Variants in RINL observed in about 807,000 individuals in gnomAD.
RINL encodes the protein Ras and Rab interactor like.
A neutral mutation model predicts 58.1 loss-of-function variants in RINL; 39 were observed. That is an observed-to-expected ratio of 0.67 (90% CI 0.52 to 0.88). RINL has a LOEUF of 0.88. RINL is among the 40% of genes least tolerant of loss of function. The pLI, the probability that RINL is intolerant of heterozygous loss-of-function variation, is 0.00. For missense variants in RINL, 711 were observed against 749.2 expected (o/e 0.95, Z 0.60); for synonymous variants, 286 against 323.1 (o/e 0.89, Z 1.23).
In RINL at chr19:38,875,834, C is replaced by A. The variant is rs375235370; in HGVS notation, c.210+497G>T. On this transcript the variant is annotated intron_variant, in intron 3 of 11. Transcript: ENST00000591812. ...GAAGTCCAAGAGAATTATAGCTATG[C>A]TGGCCTCAATGTCACTGCACTGCTG... Among the ~76,000 whole-genome samples the A allele has an allele frequency of 2.6e-5, 4 of 152,340 alleles. No homozygotes were observed. The South Asian group carries it at 8.3e-4, about 32-fold the overall frequency.
At chr19:38,874,026 T>C (rs1972868096) in intron 3 of RINL, 38 bp from the exon 4 acceptor site, 1 of 1,261,332 alleles carries the variant, frequency 7.9e-7, no homozygotes, top group East Asian at 2.5e-5. Context: ...GACAAAGGTG[T>C]GCGCAGATGT....
Position 38,871,101 on chromosome 19 carries a change from T to C in RINL, c.578A>G (p.Glu193Gly). Reference sequence around the variant, plus strand: ...ACCTGGATCATGTCTCTGAGCAGCCTCTGGCTCTGTTTCTTGAGGGGTCTG... The same window carrying C: ...ACCTGGATCATGTCTCTGAGCAGCCCCTGGCTCTGTTTCTTGAGGGGTCTG... Reference protein sequence around the residue: ...REQTPQETEPEAAQRHDPAPR... With the variant: ...REQTPQETEPGAAQRHDPAPR... Residue 193 changes from glutamate (E) to glycine (G), a missense_variant, in exon 7 of 12, where the codon GAG becomes GGG. Coordinates refer to ENST00000591812, the MANE Select transcript of RINL (RefSeq NM_001195833.2). The C allele has an allele frequency of 6.2e-7, 1 of 1,608,428 alleles. No homozygotes were observed. Among genetic ancestry groups the C allele is most frequent in the Non-Finnish European group, 8.5e-7 (1 of 1,177,346 alleles).
At chr19:38,874,857 G>C (rs888131560) in intron 3 of RINL, among the ~76,000 whole-genome samples, 1 of 152,138 alleles carries the variant, frequency 6.6e-6, no homozygotes, top group African/African-American at 2.4e-5. Flanking sequence ...TGCTACAGCC[G>C]GGCACGGTGG....
chr19:38,878,228 C>T lies in RINL; in HGVS notation c.-40+4G>A, dbSNP rs1266475479. On this transcript the variant is annotated splice_donor_region_variant and intron_variant, in intron 1 of 11. Coordinates refer to ENST00000591812, the MANE Select transcript of RINL (RefSeq NM_001195833.2). Reference sequence around the variant, plus strand: ...GCCAGATGCTCGGTTCCTGGGGGCCCTACCTGTTCTCGGAGGAGAGGCCTG... The same window carrying T: ...GCCAGATGCTCGGTTCCTGGGGGCCTTACCTGTTCTCGGAGGAGAGGCCTG... 3 of 152,350 alleles carry T rather than the reference C, an allele frequency of 2.0e-5. No individual in the cohort carries two copies. The highest frequency in any genetic ancestry group is 7.2e-5 in the African/African-American group (3 of 41,402). The allele number at this position is 152,350 out of a possible 1,614,324, so 9.4% of individuals were successfully genotyped here.
chr19:38,871,681 G>A lies in RINL; in HGVS notation c.417C>T (p.Pro139=), dbSNP rs1972818258. ...CATCTCTGGGCCCTAGAGTGGGAGG[G>A]GGCAAGAGCAGGGTTCTGGGCAGAA... is the stretch of plus-strand genomic sequence containing the variant. The part of the protein sequence containing the change: ...RDVLPRTLLL[P]PPTLGPRDEH... The change falls in exon 6 of 12, where the codon CCC becomes CCT. Residue 139 remains proline (P), a synonymous_variant. Transcript: ENST00000591812. 3 of 1,614,108 alleles carry A rather than the reference G, an allele frequency of 1.9e-6. No individual in the cohort carries two copies.
Position 38,871,878 on chromosome 19 carries a change from G to T in RINL, c.314-8C>A, listed in dbSNP as rs756030783. The stretch of plus-strand genomic sequence containing the variant: ...AGGATTCCAGGGACACACCTGTGGT[G>T]GGGGGAGGAAGAAGGAGAAAGTAAA... On this transcript the variant is annotated splice_polypyrimidine_tract_variant and splice_region_variant and intron_variant, in intron 4 of 11. Transcript: ENST00000591812. 9 of 1,610,236 alleles carry T rather than the reference G, an allele frequency of 5.6e-6. No homozygotes were observed. Among genetic ancestry groups the T allele is most frequent in the South Asian group, 1.1e-5 (1 of 90,968 alleles).
chr19:38,874,905 C>T (rs897709258), intron 3 of RINL, among the ~76,000 whole-genome samples: 12 of 151,984 alleles, frequency 7.9e-5, no homozygotes, highest in East Asian at 2.0e-4. Flanking sequence ...GAGGCCGAGG[C>T]GGGTGGATCA....
intron 1 of RINL, among the ~76,000 whole-genome samples, chr19:38,877,802 C>T (rs1237251256): frequency 6.6e-6 from 1 of 151,982 alleles, no homozygotes; most frequent in South Asian, 2.1e-4. Context: ...CTCCCTCCCT[C>T]CCTTCCTTCC....
chr19:38,876,851 A>G lies in RINL; in HGVS notation c.-39-70T>C, dbSNP rs1448301772. On this transcript the variant is annotated intron_variant, in intron 1 of 11. Coordinates refer to ENST00000591812, the MANE Select transcript of RINL (RefSeq NM_001195833.2). ...GTCATGTTCAAGATATTTACAATCA[A>G]TATGGCAGAGACCCTGACCAATCAG... is the stretch of plus-strand genomic sequence containing the variant. 3.7e-5 allele frequency: 32 copies of G among 870,342 alleles called. No homozygotes were observed. The East Asian group carries it at 8.5e-4, about 23-fold the overall frequency. The allele number at this position is 870,342 out of a possible 1,614,324, so 53.9% of individuals were successfully genotyped here.
Position 38,876,471 on chromosome 19 carries a change from T to C in RINL, c.70A>G (p.Asn24Asp), listed in dbSNP as rs1001413. The C allele has an allele frequency of 0.39, 605,432 of 1,535,142 alleles. 122,120 individuals are homozygous for C. Among genetic ancestry groups the C allele is most frequent in the East Asian group, 0.62 (25,258 of 40,888 alleles). Residue 24 changes from asparagine to aspartate, a missense_variant, in exon 3 of 12, where the codon AAC becomes GAC. Coordinates refer to ENST00000591812, the MANE Select transcript of RINL (RefSeq NM_001195833.2). ...EGVRLVPPQVNKADRTPLGVL... is the reference protein window; with the variant it reads ...EGVRLVPPQVDKADRTPLGVL... Reference sequence around the variant, plus strand: ...CCTAGAGGGGTCCTGTCTGCTTTGTTCACCTGTGGTGGGACCAGCCTGGGA... The same window carrying C: ...CCTAGAGGGGTCCTGTCTGCTTTGTCCACCTGTGGTGGGACCAGCCTGGGA...
At chr19:38,877,802 C>CCCTT (rs550510337) in intron 1 of RINL, among the ~76,000 whole-genome samples, 28 of 151,982 alleles carry the variant, frequency 1.8e-4, no homozygotes, top group African/African-American at 3.4e-4. Context: ...CTCCCTCCCT[C>CCCTT]CCTTCCTTCC....
rs1163870956 is a variant in RINL at position 38,868,734 on chromosome 19, A to AG, written c.*369dup. ...GGTTTAGGAGCAGCAAGGAGGAGGG[A>AG]GGGGTCCCAGGAAAAGGGAACAGCC... On this transcript the variant is annotated 3_prime_UTR_variant, in exon 12 of 12. Transcript: ENST00000591812. 1.7e-5 allele frequency: 3 copies of AG among 181,220 alleles called. No homozygotes were observed. The highest frequency in any genetic ancestry group is 5.5e-5 in the Admixed American group (1 of 18,102). 11.2% of individuals were successfully genotyped at this position (181,220 alleles called of 1,614,324 possible).
rs376088775 is a variant in RINL at position 38,871,114 on chromosome 19, C to G, written c.565G>C (p.Glu189Gln). Residue 189 changes from glutamate to glutamine, a missense_variant, in exon 7 of 12, where the codon GAA (glutamate) becomes CAA (glutamine). By Grantham distance (29) the Glu-to-Gln change is conservative. Coordinates refer to ENST00000591812, the MANE Select transcript of RINL (RefSeq NM_001195833.2). ...CTCTGAGCAGCCTCTGGCTCTGTTTCTTGAGGGGTCTGCTCCCTCCCCCAG... is the reference window on the plus strand; with the variant it reads ...CTCTGAGCAGCCTCTGGCTCTGTTTGTTGAGGGGTCTGCTCCCTCCCCCAG... The part of the protein sequence containing the change: ...RGWGREQTPQ[E>Q]TEPEAAQRHD... 6.2e-6 allele frequency: 10 copies of G among 1,611,164 alleles called. No individual in the cohort carries two copies. The highest frequency in any genetic ancestry group is 1.3e-5 in the African/African-American group (1 of 74,854).
At chr19:38,877,142 T>C (rs1480032084) in intron 1 of RINL, among the ~76,000 whole-genome samples, 2 of 152,190 alleles carry the variant, frequency 1.3e-5, no homozygotes, top group African/African-American at 4.8e-5. Context: ...CTCAAACTCC[T>C]GACCTCAAGT....
In RINL at chr19:38,869,698, A is replaced by G. The variant is rs750820451; in HGVS notation, c.1349T>C (p.Leu450Pro). 6.2e-7 allele frequency: 1 copy of G among 1,613,650 alleles called. No homozygotes were observed. Among genetic ancestry groups the G allele is most frequent in the East Asian group, 2.2e-5 (1 of 44,848 alleles). ...GLARGENQDPLGADAFLPALT... is the reference protein window; with the variant it reads ...GLARGENQDPPGADAFLPALT... ...CGCCGGCAGGAAGGCGTCGGCCCCC[A>G]GGGGATCTGGGAAAACCAGAGGAAA... The change falls in exon 10 of 12, where the codon CTG (leucine) becomes CCG (proline). Residue 450 changes from leucine (L) to proline (P), a missense_variant. By Grantham distance (98) the Leu-to-Pro change is moderately conservative. Coordinates refer to ENST00000591812, the MANE Select transcript of RINL (RefSeq NM_001195833.2). This position sits in a 1 kb window ranked among gnomAD's most constrained non-coding sequence, Gnocchi z 5.7.
Position 38,873,876 on chromosome 19 carries a change from G to A in RINL, c.313+10C>T. On this transcript the variant is annotated intron_variant, in intron 4 of 11. Transcript: ENST00000591812. Reference sequence around the variant, plus strand: ...GACTGTGGGCTGGAACCTCAGGGGAGGTGCCTTACCTCTGGGAATCTTCTG... The same window carrying A: ...GACTGTGGGCTGGAACCTCAGGGGAAGTGCCTTACCTCTGGGAATCTTCTG... The A allele has an allele frequency of 6.7e-7, 1 of 1,494,730 alleles. No homozygotes were observed. Among genetic ancestry groups the A allele is most frequent in the Non-Finnish European group, 9.0e-7 (1 of 1,109,266 alleles). The allele number at this position is 1,494,730 out of a possible 1,614,324, so 92.6% of individuals were successfully genotyped here. A position where few individuals can be genotyped will look rare whatever the true frequency, so the allele number is the denominator to read the frequency against.
In RINL at chr19:38,870,374, C is replaced by T. The variant is rs1568385865; in HGVS notation, c.1025-114G>A. 1 of 1,047,150 alleles carries T rather than the reference C, an allele frequency of 9.5e-7. No homozygotes were observed. The highest frequency in any genetic ancestry group is 1.3e-6 in the Non-Finnish European group (1 of 759,354). The allele number at this position is 1,047,150 out of a possible 1,614,324, so 64.9% of individuals were successfully genotyped here. ...CCACCCCTGCCTAGCTCTGGTCCCC[C>T]GTGAGTGTAGACATGGTTGTGAACA... On this transcript the variant is annotated intron_variant, in intron 8 of 11. Transcript: ENST00000591812. The surrounding 1 kb of genome is among the most constrained non-coding windows in gnomAD (Gnocchi z 5.8).
intron 3 of RINL, among the ~76,000 whole-genome samples, chr19:38,874,247 C>G (rs1156399449): frequency 6.6e-6 from 1 of 151,096 alleles, no homozygotes; most frequent in Admixed American, 6.6e-5. Flanking sequence ...GCATGTGACT[C>G]AAGCTCAGCC....
At position 38,870,055 on chromosome 19, in the gene RINL, G is replaced by A. The variant is rs369870275; in HGVS notation, c.1230C>T (p.Ile410=). Residue 410 remains isoleucine (I), a synonymous_variant, in exon 9 of 12, where the codon ATC becomes ATT. Coordinates refer to ENST00000591812, the MANE Select transcript of RINL (RefSeq NM_001195833.2). This position sits in a 1 kb window ranked among gnomAD's most constrained non-coding sequence, Gnocchi z 5.8. ...CGTGGAGGTGCGCAAGGCGCTCGTG[G>A]ATGCGGCTCCGCAAGGCGGGGGCGG... ...QSPAPALRSR[I]HERLAHLHAA... 2.9e-4 allele frequency: 442 copies of A among 1,536,720 alleles called. 3 individuals carry two copies. The African/African-American group carries it at 5.5e-3, about 19-fold the overall frequency.
Sources: gnomAD v4.1 joint callset for allele counts (sites outside exome capture counted in the v4.1 genomes callset) on GRCh38, gnomAD v4.1.1 for gene constraint, Gnocchi (gnomAD v3.1) non-coding constraint, MANE v1.5 for transcripts, NCBI Gene and HGNC (gene_info 2026-07-23, HGNC 2026-07-21) for gene names.